Variants in PBX1 observed in about 807,000 individuals in gnomAD.
PBX1 encodes pre-B-cell leukemia transcription factor 1.
PBX1 carries 6 observed loss-of-function variants against 53.4 expected under a neutral mutation model. That is an observed-to-expected ratio of 0.11 (90% CI 0.06 to 0.22). The LOEUF (loss-of-function observed/expected upper bound fraction) is 0.22, where lower values mean the gene tolerates loss of function less well. Ranked by LOEUF, PBX1 falls within the 10% of genes least tolerant of loss-of-function variation. PBX1 has a pLI of 1.00. For missense variants in PBX1, 251 were observed against 551.4 expected (o/e 0.46, Z 5.46); for synonymous variants, 204 against 212.3 (o/e 0.96, Z 0.34).
intron 2 of PBX1, among the ~76,000 whole-genome samples, chr1:164,609,133 G>A (rs1656739550): frequency 6.6e-6 from 1 of 151,986 alleles, no homozygotes; most frequent in East Asian, 1.9e-4. Context: ...AGACTTTTCA[G>A]GAGGCCTCTT....
intron 2 of PBX1, among the ~76,000 whole-genome samples, chr1:164,868,205 G>T (rs1440718500): frequency 6.6e-6 from 1 of 152,162 alleles, no homozygotes; most frequent in Non-Finnish European, 1.5e-5. Flanking sequence ...ACAGCCAGAG[G>T]TGACTTCTGA....
chr1:164,697,825 G>A (rs1285623822), intron 2 of PBX1, among the ~76,000 whole-genome samples: 1 of 152,148 alleles, frequency 6.6e-6, no homozygotes, highest in East Asian at 1.9e-4. Flanking sequence ...CCAAAGAAAA[G>A]TCATAAAAGC....
chr1:164,586,206 A>G (rs916884692), intron 2 of PBX1, among the ~76,000 whole-genome samples: 2 of 152,202 alleles, frequency 1.3e-5, no homozygotes, highest in Non-Finnish European at 2.9e-5. Context: ...GTTCAGACAA[A>G]TAGGAATAAG....
At chr1:164,864,836 G>T (rs1439782909) in intron 2 of PBX1, among the ~76,000 whole-genome samples, 4 of 152,200 alleles carry the variant, frequency 2.6e-5, no homozygotes, top group Non-Finnish European at 4.4e-5. Context: ...GTTCCACATT[G>T]TGCCAGGCAG....
intron 8 of PBX1, among the ~76,000 whole-genome samples, chr1:164,843,472 C>T (rs1028886185): frequency 6.6e-6 from 1 of 151,952 alleles, no homozygotes; most frequent in Admixed American, 6.6e-5. Flanking sequence ...TGGGAAAGTC[C>T]TGGGCAAACT....
chr1:164,738,506 G>A (rs80008784), intron 2 of PBX1, among the ~76,000 whole-genome samples: 7,369 of 152,144 alleles, frequency 0.048, 341 homozygotes, highest in East Asian at 0.14. Flanking sequence ...TGCCCAGGCT[G>A]GTCTCAAACC....
At chr1:164,602,461 A>G (rs1656241186) in intron 2 of PBX1, among the ~76,000 whole-genome samples, 1 of 152,110 alleles carries the variant, frequency 6.6e-6, no homozygotes, top group Non-Finnish European at 1.5e-5. Flanking sequence ...GTTCTTGTTT[A>G]TTTAAATTGC....
At chr1:164,767,434 C>G (rs1275116088) in intron 2 of PBX1, among the ~76,000 whole-genome samples, 3 of 152,054 alleles carry the variant, frequency 2.0e-5, no homozygotes, top group Non-Finnish European at 4.4e-5. Flanking sequence ...AGAGAGTGCG[C>G]TGGAGGCATA....
intron 2 of PBX1, among the ~76,000 whole-genome samples, chr1:164,595,921 G>A (rs1655724899): frequency 6.6e-6 from 1 of 152,126 alleles, no homozygotes; most frequent in African/African-American, 2.4e-5. Flanking sequence ...AATTTTTAGG[G>A]CTTTGGTGGA....
intron 2 of PBX1, among the ~76,000 whole-genome samples, chr1:164,768,721 C>A (rs1667204380): frequency 6.6e-6 from 1 of 152,188 alleles, no homozygotes; most frequent in South Asian, 2.1e-4. Flanking sequence ...ATCTCCCCAC[C>A]ATGGACCTGG....
chr1:164,839,601 TAGAC>T (rs1387433336), intron 8 of PBX1, among the ~76,000 whole-genome samples: 1 of 152,096 alleles, frequency 6.6e-6, no homozygotes, highest in African/African-American at 2.4e-5. Flanking sequence ...CCAGAGGAGA[TAGAC>T]AGGCAAAGGC....
chr1:164,582,325 A>G (rs930321223), intron 2 of PBX1, among the ~76,000 whole-genome samples: 3 of 152,216 alleles, frequency 2.0e-5, no homozygotes, highest in Admixed American at 1.3e-4. Context: ...ATCCGTTTCA[A>G]ATTGCCAAAC....
chr1:164,873,553 A>G (rs1303371344), intron 2 of PBX1, among the ~76,000 whole-genome samples: 1 of 152,204 alleles, frequency 6.6e-6, no homozygotes, highest in Non-Finnish European at 1.5e-5. Context: ...CTCTTGCCCA[A>G]GAATATTGCT....
At chr1:164,565,673 C>T (rs1287825679) in intron 2 of PBX1, among the ~76,000 whole-genome samples, 5 of 151,984 alleles carry the variant, frequency 3.3e-5, no homozygotes, top group African/African-American at 9.7e-5. Flanking sequence ...ACCCTGGAAC[C>T]TTCAATCTTT....
At chr1:164,856,030 T>C (rs1371634126), downstream of PBX1, among the ~76,000 whole-genome samples, 1 of 152,206 alleles carries the variant, frequency 6.6e-6, no homozygotes, top group African/African-American at 2.4e-5. Flanking sequence ...GATATGTTTA[T>C]CCCTGTACCA....
Position 164,850,434 on chromosome 1 carries a change from C to A in PBX1, c.*3758C>A, listed in dbSNP as rs1418164873. 5.1e-6 allele frequency: 1 copy of A among 194,886 alleles called. No homozygotes were observed. The highest frequency in any genetic ancestry group is 2.4e-5 in the African/African-American group (1 of 42,136). 12.1% of individuals were successfully genotyped at this position (194,886 alleles called of 1,614,324 possible). On this transcript the variant is annotated 3_prime_UTR_variant, in exon 9 of 9. Transcript: ENST00000420696. ...TAACTTTGAGACCCAGAAATAAATTCTTTTCTTTTCTTGATTCTTGCTCTT... is the reference window on the plus strand; with the variant it reads ...TAACTTTGAGACCCAGAAATAAATTATTTTCTTTTCTTGATTCTTGCTCTT...
rs936101494 is a variant in PBX1, at chr1:164,847,027, A to G, written c.*351A>G. Reference sequence around the variant, plus strand: ...TTTCAACAATTAGAGGAATTTAAAGAGGAAAAAAATTACAAAGAAAATAAT... The same window carrying G: ...TTTCAACAATTAGAGGAATTTAAAGGGGAAAAAAATTACAAAGAAAATAAT... On this transcript the variant is annotated 3_prime_UTR_variant, in exon 9 of 9. Coordinates refer to ENST00000420696, the MANE Select transcript of PBX1 (RefSeq NM_002585.4). 7 of 1,133,974 alleles carry G rather than the reference A, an allele frequency of 6.2e-6. No individual in the cohort carries two copies. Among genetic ancestry groups the G allele is most frequent in the Non-Finnish European group, 7.6e-6 (7 of 921,234 alleles). 70.2% of individuals were successfully genotyped at this position (1,133,974 alleles called of 1,614,324 possible).
chr1:164,565,244 A>G (rs1653350691), intron 2 of PBX1, among the ~76,000 whole-genome samples: 1 of 152,200 alleles, frequency 6.6e-6, no homozygotes, highest in Non-Finnish European at 1.5e-5. Context: ...CGTATTGGTC[A>G]AAGTAACATT....
chr1:164,624,157 T>A (rs756725679), intron 2 of PBX1, among the ~76,000 whole-genome samples: 7 of 152,200 alleles, frequency 4.6e-5, no homozygotes, highest in Non-Finnish European at 1.0e-4. Flanking sequence ...AAGCAATTGC[T>A]ACTGTTGCCA....
Sources: gnomAD v4.1 joint callset for allele counts (sites outside exome capture counted in the v4.1 genomes callset) on GRCh38, gnomAD v4.1.1 for gene constraint, MANE v1.5 for transcripts, NCBI Gene and HGNC (gene_info 2026-07-23, HGNC 2026-07-21) for gene names.